The following SCHIP1 variants were observed in gnomAD, a reference collection of about 807,000 sequenced individuals.
The protein encoded by SCHIP1 is schwannomin interacting protein 1.
A neutral mutation model predicts 29.7 loss-of-function variants in SCHIP1; 8 were observed. The observed-to-expected ratio is 0.27, with a 90% CI of 0.16 to 0.49. SCHIP1 has a LOEUF of 0.49. Ranked by LOEUF, SCHIP1 falls within the 20% of genes least tolerant of loss-of-function variation. The pLI, the probability that SCHIP1 is intolerant of heterozygous loss-of-function variation, is 0.99. For synonymous variants in SCHIP1, 76 were observed against 94.9 expected (o/e 0.80, Z 1.16); for missense variants, 193 against 294.6 (o/e 0.66, Z 2.52).
At chr3:159,395,427 G>T in the SCHIP1 span, among the ~76,000 whole-genome samples, 1 of 151,680 alleles carries the variant, frequency 6.6e-6, no homozygotes, top group African/African-American at 2.4e-5. Flanking sequence ...GTCAATTTTG[G>T]ATCTTTCCTG....
chr3:159,374,644 T>G, the SCHIP1 span, among the ~76,000 whole-genome samples: 1 of 152,210 alleles, frequency 6.6e-6, no homozygotes, highest in Admixed American at 6.5e-5. Flanking sequence ...CACAGTTATC[T>G]ATCATAATGA....
the SCHIP1 span, among the ~76,000 whole-genome samples, chr3:159,688,715 G>C: frequency 1.3e-5 from 2 of 152,110 alleles, no homozygotes; most frequent in African/African-American, 4.8e-5. Flanking sequence ...TTCTTCTAGG[G>C]TTTTTATGGT....
chr3:159,767,936 T>G, the SCHIP1 span, among the ~76,000 whole-genome samples: 1 of 152,188 alleles, frequency 6.6e-6, no homozygotes, highest in Non-Finnish European at 1.5e-5. Context: ...ACCTATTGCC[T>G]GGAACATGCC....
At chr3:159,545,235 A>G in the SCHIP1 span, among the ~76,000 whole-genome samples, 1 of 152,192 alleles carries the variant, frequency 6.6e-6, no homozygotes, top group African/African-American at 2.4e-5. Flanking sequence ...GATACAAAGT[A>G]TTGATCATTG....
At chr3:159,305,533 C>G in the SCHIP1 span, among the ~76,000 whole-genome samples, 1,649 of 152,198 alleles carry the variant, frequency 0.011, 19 homozygotes, top group African/African-American at 0.019. Flanking sequence ...TGATACTGTC[C>G]CATTCAGATT....
chr3:159,718,917 A>G, the SCHIP1 span, among the ~76,000 whole-genome samples: 3 of 152,216 alleles, frequency 2.0e-5, no homozygotes, highest in East Asian at 1.9e-4. Flanking sequence ...AAGAGCCCAC[A>G]TTGCCAAGAC....
the SCHIP1 span, among the ~76,000 whole-genome samples, chr3:159,329,528 A>C: frequency 2.0e-5 from 3 of 152,098 alleles, no homozygotes; most frequent in African/African-American, 7.2e-5. Flanking sequence ...GAGGCAACAT[A>C]ATGAGAGGGC....
chr3:159,764,775 C>T, the SCHIP1 span: 3 of 1,568,422 alleles, frequency 1.9e-6, no homozygotes, highest in African/African-American at 1.4e-5. The surrounding 1 kb of genome is among the most constrained non-coding windows in gnomAD (Gnocchi z 6.1). Context: ...CCCGCAGCGG[C>T]GGCGGCGGGG....
chr3:159,522,204 A>T, the SCHIP1 span, among the ~76,000 whole-genome samples: 2 of 152,246 alleles, frequency 1.3e-5, no homozygotes, highest in Non-Finnish European at 2.9e-5. Context: ...CAGAATAAAG[A>T]TGGCAAAGCC....
intron 1 of SCHIP1, among the ~76,000 whole-genome samples, chr3:159,850,302 C>T (rs1055509483): frequency 1.3e-5 from 2 of 151,918 alleles, no homozygotes; most frequent in Non-Finnish European, 2.9e-5. Context: ...ACCTGTAATC[C>T]CAGCATTTTG....
chr3:159,357,766 A>G, the SCHIP1 span, among the ~76,000 whole-genome samples: 1 of 152,240 alleles, frequency 6.6e-6, no homozygotes, highest in East Asian at 1.9e-4. Context: ...TTGAGAATTT[A>G]TGAAGCACCA....
chr3:159,368,732 G>GATA, the SCHIP1 span, among the ~76,000 whole-genome samples: 1 of 152,118 alleles, frequency 6.6e-6, no homozygotes, highest in African/African-American at 2.4e-5. Flanking sequence ...GTGAGAGATA[G>GATA]GGGTAGAGAA....
chr3:159,794,567 A>T, the SCHIP1 span, among the ~76,000 whole-genome samples: 17 of 152,324 alleles, frequency 1.1e-4, no homozygotes, highest in African/African-American at 1.7e-4. Context: ...AAAAGACTAG[A>T]TTCCGGACCT....
At chr3:159,451,685 C>T in the SCHIP1 span, among the ~76,000 whole-genome samples, 4 of 152,270 alleles carry the variant, frequency 2.6e-5, no homozygotes, top group East Asian at 7.7e-4. Context: ...CTGCCTGGTG[C>T]TAGGGAGATG....
chr3:159,486,245 T>C, the SCHIP1 span, among the ~76,000 whole-genome samples: 3 of 152,182 alleles, frequency 2.0e-5, no homozygotes, highest in Non-Finnish European at 2.9e-5. Context: ...CTCCAGAACC[T>C]ATTCCCTCTA....
At chr3:159,381,813 C>T in the SCHIP1 span, among the ~76,000 whole-genome samples, 4 of 152,046 alleles carry the variant, frequency 2.6e-5, no homozygotes, top group Non-Finnish European at 5.9e-5. Context: ...CCAGGCTGGT[C>T]TCGAACTCTT....
chr3:159,329,690 A>G, the SCHIP1 span, among the ~76,000 whole-genome samples: 5 of 152,056 alleles, frequency 3.3e-5, no homozygotes, highest in Non-Finnish European at 5.9e-5. Flanking sequence ...CTATAGTCAT[A>G]ATCTTCCTTC....
chr3:159,575,612 C>A, the SCHIP1 span, among the ~76,000 whole-genome samples: 2 of 151,940 alleles, frequency 1.3e-5, no homozygotes, highest in African/African-American at 2.4e-5. Context: ...ATTTTTTAAA[C>A]TTTTTGTACA....
exon 1 of SCHIP1, chr3:159,840,125 G>A (rs1744089589): frequency 1.3e-6 from 2 of 1,532,818 alleles, no homozygotes; most frequent in Non-Finnish European, 1.7e-6. Flanking sequence ...CTCCGCGCCT[G>A]CCCTCCGCAG....
Sources: gnomAD v4.1 joint callset for allele counts (sites outside exome capture counted in the v4.1 genomes callset) on GRCh38, gnomAD v4.1.1 for gene constraint, Gnocchi (gnomAD v3.1) non-coding constraint, MANE v1.5 for transcripts, NCBI Gene and HGNC (gene_info 2026-07-23, HGNC 2026-07-21) for gene names.